The following ATXN7 variants were observed in gnomAD, a reference collection of about 807,000 sequenced individuals.
ATXN7 encodes ataxin 7.
In ATXN7, 12 loss-of-function variants were observed where a neutral mutation model predicts 70.5. The observed-to-expected ratio is 0.17, with a 90% CI of 0.11 to 0.28. The LOEUF is 0.28. ATXN7 is among the 10% of genes least tolerant of loss of function. The pLI is 1.00. For missense variants in ATXN7, 1,256 were observed against 1,131.7 expected (o/e 1.11, Z -1.58); for synonymous variants, 498 against 448.7 (o/e 1.11, Z -1.39).
chr3:63,932,905 A>C (rs2074582040), intron 4 of ATXN7, among the ~76,000 whole-genome samples: 2 of 152,306 alleles, frequency 1.3e-5, no homozygotes, highest in South Asian at 4.1e-4. Flanking sequence ...ATTTTATTCA[A>C]CTACCACCTA....
At chr3:63,946,397 T>C (rs564202831) in intron 4 of ATXN7, among the ~76,000 whole-genome samples, 70 of 152,162 alleles carry the variant, frequency 4.6e-4, no homozygotes, top group Middle Eastern at 3.4e-3. Context: ...CCCAGCACTT[T>C]GGGAGGCTGA....
chr3:63,897,649 G>T (rs1575861688), intron 1 of ATXN7, among the ~76,000 whole-genome samples: 2 of 152,164 alleles, frequency 1.3e-5, no homozygotes, highest in Non-Finnish European at 2.9e-5. Flanking sequence ...TTTCATGTGA[G>T]CTCAGCCTGT....
At chr3:63,953,628 AG>A (rs1317059464) in intron 5 of ATXN7, among the ~76,000 whole-genome samples, 1 of 151,744 alleles carries the variant, frequency 6.6e-6, no homozygotes, top group Non-Finnish European at 1.5e-5. Context: ...CAGTAGAGCT[AG>A]GAAGACTGCA....
chr3:63,983,094 C>G, intron 8 of ATXN7, 73 bp downstream of exon 8: 1 of 1,157,284 alleles, frequency 8.6e-7, no homozygotes, highest in Non-Finnish European at 1.3e-6. Flanking sequence ...ACACTACTCC[C>G]ACAGTCTCTC....
intron 2 of ATXN7, among the ~76,000 whole-genome samples, chr3:63,906,273 C>T (rs1703835602): frequency 6.6e-6 from 1 of 152,186 alleles, no homozygotes; most frequent in Non-Finnish European, 1.5e-5. Flanking sequence ...TCAAGGGTGT[C>T]ATGTTTGCTG....
At chr3:63,877,085 C>T (rs575979258) in intron 1 of ATXN7, among the ~76,000 whole-genome samples, 39 of 151,982 alleles carry the variant, frequency 2.6e-4, no homozygotes, top group Non-Finnish European at 4.1e-4. Flanking sequence ...GAGCAAAGTC[C>T]ATAGAATGAT....
intron 1 of ATXN7, among the ~76,000 whole-genome samples, chr3:63,876,663 C>A (rs1022097051): frequency 6.6e-6 from 1 of 152,088 alleles, no homozygotes; most frequent in African/African-American, 2.4e-5. Context: ...TAATAAACAG[C>A]GGTCCTGATC....
At chr3:63,977,149 C>G (rs1427194314) in intron 5 of ATXN7, among the ~76,000 whole-genome samples, 1 of 152,140 alleles carries the variant, frequency 6.6e-6, no homozygotes, top group Non-Finnish European at 1.5e-5. Context: ...TGGCTCATTT[C>G]AGCCAGGTAT....
intron 5 of ATXN7, among the ~76,000 whole-genome samples, chr3:63,970,490 G>A (rs530144328): frequency 1.3e-5 from 2 of 152,060 alleles, no homozygotes; most frequent in Non-Finnish European, 1.5e-5. Flanking sequence ...CTATCATTCC[G>A]TATTTTTCAA....
rs760887474 is a variant in ATXN7, at chr3:63,912,722, C to T, written c.124C>T (p.Pro42Ser). 2.4e-6 allele frequency: 3 copies of T among 1,236,658 alleles called. No individual in the cohort carries two copies. Among genetic ancestry groups the T allele is most frequent in the South Asian group, 6.3e-5 (2 of 31,532 alleles). 76.6% of individuals were successfully genotyped at this position (1,236,658 alleles called of 1,614,324 possible). The change falls in exon 3 of 13, where the codon CCT (proline) becomes TCT (serine). Residue 42 changes from proline (P) to serine (S), a missense_variant. Coordinates refer to ENST00000674280, the MANE Select transcript of ATXN7 (RefSeq NM_001377405.1). ...QQQQQQQQPP[P>S]PQPQRQQHPP... ...GCAGCAGCAGCAGCAGCAGCCGCCG[C>T]CTCCGCAGCCCCAGCGGCAGCAGCA...
At chr3:63,971,309 G>GA (rs748256741) in intron 5 of ATXN7, among the ~76,000 whole-genome samples, 11 of 152,298 alleles carry the variant, frequency 7.2e-5, no homozygotes, top group Admixed American at 5.2e-4. Flanking sequence ...TCCCCAACTT[G>GA]AGATTTGAAT....
At chr3:63,963,718 A>G (rs2075170378) in intron 5 of ATXN7, among the ~76,000 whole-genome samples, 1 of 152,156 alleles carries the variant, frequency 6.6e-6, no homozygotes, top group African/African-American at 2.4e-5. Flanking sequence ...ATACTGCTCT[A>G]AAGTGTGGCT....
At chr3:63,992,502 G>A (rs941092634) in intron 11 of ATXN7, among the ~76,000 whole-genome samples, 19 of 152,136 alleles carry the variant, frequency 1.2e-4, no homozygotes, top group African/African-American at 3.6e-4. Flanking sequence ...TGGGTTTAAT[G>A]TACTCCTAAG....
At chr3:63,933,207 C>A (rs1322195252) in intron 4 of ATXN7, among the ~76,000 whole-genome samples, 1 of 152,168 alleles carries the variant, frequency 6.6e-6, no homozygotes, top group African/African-American at 2.4e-5. Flanking sequence ...GACATGTTTC[C>A]TTTCTCTCTG....
chr3:64,001,541 ATGT>A lies in ATXN7; in HGVS notation c.*2079_*2081del, dbSNP rs1406611126. 6.6e-6 allele frequency: 1 copy of A among 152,248 alleles called. No individual in the cohort carries two copies. Among genetic ancestry groups the A allele is most frequent in the Non-Finnish European group, 1.5e-5 (1 of 68,030 alleles). 9.4% of individuals were successfully genotyped at this position (152,248 alleles called of 1,614,324 possible). A position where few individuals can be genotyped will look rare whatever the true frequency, so the allele number is the denominator to read the frequency against. ...TAGCAATGGAATTTACAGATCGATC[ATGT>A]TGTTCCGAAAGATGTGAATAGGATC... On this transcript the variant is annotated 3_prime_UTR_variant, in exon 13 of 13. Coordinates refer to ENST00000674280, the MANE Select transcript of ATXN7 (RefSeq NM_001377405.1).
rs1474578180 is a variant in ATXN7 at position 64,003,296 on chromosome 3, A to C, written c.*3829A>C. The C allele has an allele frequency of 6.6e-6, 1 of 150,652 alleles. No homozygotes were observed. The highest frequency in any genetic ancestry group is 2.0e-4 in the East Asian group (1 of 5,106). The allele number at this position is 150,652 out of a possible 1,614,324, so 9.3% of individuals were successfully genotyped here. A position where few individuals can be genotyped will look rare whatever the true frequency, so the allele number is the denominator to read the frequency against. On this transcript the variant is annotated 3_prime_UTR_variant, in exon 13 of 13. Coordinates refer to ENST00000674280, the MANE Select transcript of ATXN7 (RefSeq NM_001377405.1). ...GAATAGTTTGATAATTTGTACACATAATCAAGAGCATCTCAGCTGGACTTT... is the reference window on the plus strand; with the variant it reads ...GAATAGTTTGATAATTTGTACACATCATCAAGAGCATCTCAGCTGGACTTT...
chr3:63,933,398 G>C (rs922801663), intron 4 of ATXN7, among the ~76,000 whole-genome samples: 1 of 152,140 alleles, frequency 6.6e-6, no homozygotes, highest in Non-Finnish European at 1.5e-5. Flanking sequence ...TTAATTGTAG[G>C]CTTCCTGGTT....
chr3:63,977,144 C>G (rs748254820), intron 5 of ATXN7, among the ~76,000 whole-genome samples: 45 of 152,106 alleles, frequency 3.0e-4, no homozygotes, highest in Non-Finnish European at 5.7e-4. Context: ...CTACGTGGCT[C>G]ATTTCAGCCA....
chr3:63,944,324 AAAT>A lies in ATXN7; in HGVS notation c.395-8045_395-8043del, dbSNP rs554494467. On this transcript the variant is annotated intron_variant, in intron 4 of 12. Transcript: ENST00000674280. ...AGATTCACAACAATAATTAATAATA[AAAT>A]AATAATAATTATAACAGTATGCCAG... Among the ~76,000 whole-genome samples, 50 of 152,286 alleles carry A rather than the reference AAAT, an allele frequency of 3.3e-4. 1 individual carries two copies. In the South Asian group the frequency reaches 7.3e-3, roughly 22 times the overall value.
Sources: allele counts gnomAD v4.1 joint callset (sites outside exome capture counted in the v4.1 genomes callset), GRCh38; gene constraint gnomAD v4.1.1; transcripts MANE v1.5; gene names NCBI Gene and HGNC (gene_info 2026-07-23, HGNC 2026-07-21).